Variants in FRMD3 observed in about 807,000 individuals in gnomAD.
FRMD3 encodes FERM domain-containing protein 3.
In FRMD3, 33 loss-of-function variants were observed where a neutral mutation model predicts 70.2. The ratio of observed to expected loss-of-function variants is 0.47; its 90% CI spans 0.36 to 0.63. The LOEUF (loss-of-function observed/expected upper bound fraction) is 0.63, where lower values mean the gene tolerates loss of function less well. FRMD3 is among the 20% of genes least tolerant of loss of function. The pLI, the probability that FRMD3 is intolerant of heterozygous loss-of-function variation, is 0.00. For synonymous variants in FRMD3, 279 were observed against 255.9 expected, an observed-to-expected ratio of 1.09 and a Z score of -0.86; for missense variants, 632 against 711.4, an observed-to-expected ratio of 0.89 and a Z score of 1.27.
intron 13 of FRMD3, among the ~76,000 whole-genome samples, chr9:83,282,782 C>A (rs1013005308): frequency 1.4e-4 from 21 of 152,140 alleles, no homozygotes; most frequent in African/African-American, 5.1e-4. Context: ...GCTTCCACTG[C>A]GGAATGCTGT....
chr9:83,357,762 G>A (rs1363235413), intron 3 of FRMD3, among the ~76,000 whole-genome samples: 1 of 151,988 alleles, frequency 6.6e-6, no homozygotes, highest in Non-Finnish European at 1.5e-5. Context: ...CCCACTTTTT[G>A]ATGGGATTGC....
chr9:83,420,115 C>T (rs1204871985), intron 1 of FRMD3, among the ~76,000 whole-genome samples: 1 of 152,164 alleles, frequency 6.6e-6, no homozygotes, highest in Non-Finnish European at 1.5e-5. Flanking sequence ...AATGATATGT[C>T]CAGCTGGCAC....
In FRMD3 at chr9:83,390,764, T is replaced by C. The variant is rs538574776; in HGVS notation, c.148-1056A>G. On this transcript the variant is annotated intron_variant, in intron 1 of 13. Transcript: ENST00000304195. ...TCAATCAAAGTCGCTGACAGACCCA[T>C]GAAATGTTTTAGAGATGTGACCTAT... Among the ~76,000 whole-genome samples the C allele has an allele frequency of 4.6e-5, 7 of 152,326 alleles. No homozygotes were observed. The South Asian group carries it at 8.3e-4, about 18-fold the overall frequency.
intron 1 of FRMD3, among the ~76,000 whole-genome samples, chr9:83,479,616 C>A (rs190227193): frequency 6.8e-5 from 6 of 87,618 alleles, no homozygotes; most frequent in African/African-American, 1.8e-4. Context: ...GATAGCAAGA[C>A]CCTGAAGAAA....
At chr9:83,472,315 T>C (rs1347692213) in intron 1 of FRMD3, among the ~76,000 whole-genome samples, 1 of 152,130 alleles carries the variant, frequency 6.6e-6, no homozygotes, top group Non-Finnish European at 1.5e-5. Context: ...CCTGCAGCAT[T>C]TCTCAAGCAT....
chr9:83,467,718 TTC>T, intron 1 of FRMD3: 1 of 1,532,824 alleles, frequency 6.5e-7, no homozygotes, highest in Non-Finnish European at 8.7e-7. Flanking sequence ...CCATCTCGTC[TTC>T]TGTCTCTGGG....
intron 1 of FRMD3, among the ~76,000 whole-genome samples, chr9:83,461,666 T>C (rs1186484264): frequency 1.9e-4 from 1 of 5,348 alleles, no homozygotes; most frequent in African/African-American, 1.3e-3. Context: ...GGAATTTCCC[T>C]TTTTTTTTTT....
Position 83,482,161 on chromosome 9 carries a change from C to T in FRMD3, c.147+55924G>A, listed in dbSNP as rs140075722. 3.9e-5 allele frequency among the ~76,000 whole-genome samples: 6 copies of T among 152,280 alleles called. No homozygotes were observed. The East Asian group carries it at 1.2e-3, about 29-fold the overall frequency. ...CAACAAGGCTTGTGCACAAGGAAGG[C>T]GTTCGTTTACAGCGAACTCCTACTG... On this transcript the variant is annotated intron_variant, in intron 1 of 13. Coordinates refer to ENST00000304195, the MANE Select transcript of FRMD3 (RefSeq NM_174938.6).
intron 1 of FRMD3, among the ~76,000 whole-genome samples, chr9:83,397,422 G>A (rs906660693): frequency 1.3e-5 from 2 of 152,186 alleles, no homozygotes; most frequent in African/African-American, 4.8e-5. Context: ...AGCGGACACA[G>A]CTTTGGGCTG....
chr9:83,582,480 C>T, the FRMD3 span, among the ~76,000 whole-genome samples: 8 of 152,090 alleles, frequency 5.3e-5, no homozygotes, highest in African/African-American at 1.9e-4. Flanking sequence ...AAAGAGTGGT[C>T]TTTTTATTTT....
At chr9:83,502,293 T>G (rs1829086590) in intron 1 of FRMD3, among the ~76,000 whole-genome samples, 1 of 152,156 alleles carries the variant, frequency 6.6e-6, no homozygotes, top group Non-Finnish European at 1.5e-5. Flanking sequence ...TCCTGCCTTT[T>G]TGATGGAGGG....
chr9:83,315,369 G>C (rs773084363), intron 6 of FRMD3, among the ~76,000 whole-genome samples: 8 of 152,102 alleles, frequency 5.3e-5, no homozygotes, highest in Non-Finnish European at 1.2e-4. Flanking sequence ...GGGATGTGCC[G>C]TGTGGAACAG....
At chr9:83,507,673 CAA>C (rs1397459904) in intron 1 of FRMD3, among the ~76,000 whole-genome samples, 2 of 54,764 alleles carry the variant, frequency 3.7e-5, no homozygotes, top group African/African-American at 1.2e-4. Context: ...CCGTCTCAAA[CAA>C]AAAAAAATAT....
intron 1 of FRMD3, among the ~76,000 whole-genome samples, chr9:83,534,760 G>T (rs1829857161): frequency 6.6e-6 from 1 of 152,198 alleles, no homozygotes; most frequent in South Asian, 2.1e-4. Context: ...TGTTTCTGGG[G>T]GGTGGAAATG....
At position 83,389,593 on chromosome 9, in the gene FRMD3, T is replaced by C. The variant is rs746064070; in HGVS notation, c.252+11A>G. On this transcript the variant is annotated intron_variant, in intron 2 of 13. Coordinates refer to ENST00000304195, the MANE Select transcript of FRMD3 (RefSeq NM_174938.6). ...CCCTGAAAATGGCTCCAGATAGAAA[T>C]CAGCTCTTACCCTTTGCTTCTCTGG... 1.3e-6 allele frequency: 2 copies of C among 1,590,316 alleles called. No individual in the cohort carries two copies. The highest frequency in any genetic ancestry group is 2.7e-5 in the African/African-American group (2 of 74,322).
chr9:83,518,695 C>CA (rs140839710), intron 1 of FRMD3, among the ~76,000 whole-genome samples: 20,221 of 148,930 alleles, frequency 0.14, 1,508 homozygotes, highest in Middle Eastern at 0.23. Flanking sequence ...CAATTCTAAG[C>CA]AAAAAAAAAC....
At chr9:83,297,796 C>A (rs942429271) in intron 12 of FRMD3, 1 of 471,712 alleles carries the variant, frequency 2.1e-6, no homozygotes, top group Non-Finnish European at 4.4e-6. Flanking sequence ...AAAGCAGGAA[C>A]AAATTTTCTT....
At chr9:83,347,339 T>C (rs1030546667) in intron 4 of FRMD3, among the ~76,000 whole-genome samples, 4 of 152,208 alleles carry the variant, frequency 2.6e-5, no homozygotes, top group African/African-American at 9.6e-5. Context: ...GCATCTCCCT[T>C]TAGTGTCATT....
intron 5 of FRMD3, among the ~76,000 whole-genome samples, chr9:83,342,807 CCT>C (rs1189977216): frequency 6.6e-6 from 1 of 152,074 alleles, no homozygotes; most frequent in Non-Finnish European, 1.5e-5. Context: ...TGCAGATTCC[CCT>C]CTCAATATGT....
Sources: gnomAD v4.1 joint callset for allele counts (sites outside exome capture counted in the v4.1 genomes callset) on GRCh38, gnomAD v4.1.1 for gene constraint, MANE v1.5 for transcripts, NCBI Gene and HGNC (gene_info 2026-07-23, HGNC 2026-07-21) for gene names.